Variants in TOPBP1 observed in about 807,000 individuals in gnomAD.
TOPBP1 encodes DNA topoisomerase 2-binding protein 1.
In TOPBP1, 28 loss-of-function variants were observed where a neutral mutation model predicts 167.7. The observed-to-expected ratio is 0.17, with a 90% CI of 0.12 to 0.23. TOPBP1 has a LOEUF of 0.23. Ranked by LOEUF, TOPBP1 falls within the 10% of genes least tolerant of loss-of-function variation. The probability of loss-of-function intolerance (pLI) is 1.00; values close to 1 mark genes in which losing one functional copy is unlikely to be tolerated. For missense variants in TOPBP1, 1,554 were observed against 1,809.6 expected, an observed-to-expected ratio of 0.86 and a Z score of 2.56; for synonymous variants, 598 against 611.4, an observed-to-expected ratio of 0.98 and a Z score of 0.32.
At chr3:133,632,775 T>C (rs974315197) in intron 14 of TOPBP1, among the ~76,000 whole-genome samples, 9 of 152,122 alleles carry the variant, frequency 5.9e-5, no homozygotes, top group South Asian at 4.1e-4. Flanking sequence ...ATATAGTTAT[T>C]TCTTCTTCTT....
At chr3:133,620,055 G>T in intron 20 of TOPBP1, 100 bp downstream of exon 20, 1 of 1,297,002 alleles carries the variant, frequency 7.7e-7, no homozygotes, top group Non-Finnish European at 1.0e-6. Flanking sequence ...AGAAAAAAAA[G>T]CTAAATTAGG....
At chr3:133,608,492 G>C (rs1452143934) in intron 27 of TOPBP1, 43 bp downstream of exon 27, 6 of 1,601,426 alleles carry the variant, frequency 3.7e-6, no homozygotes, top group Non-Finnish European at 2.6e-6. Flanking sequence ...GCACATAAAC[G>C]TATCTCTGGT....
At chr3:133,629,315 G>C (rs1935382506) in intron 14 of TOPBP1, among the ~76,000 whole-genome samples, 1 of 152,180 alleles carries the variant, frequency 6.6e-6, no homozygotes, top group Non-Finnish European at 1.5e-5. Context: ...TATTTAACCT[G>C]TGTACAACTG....
At position 133,652,447 on chromosome 3, in the gene TOPBP1, T is replaced by A. The variant is rs754410840; in HGVS notation, c.1089+16A>T. ...TGTATATCATCTACTGCATGTATTA[T>A]ATAATAAAGACGTACCCGACAACCA... On this transcript the variant is annotated intron_variant, in intron 8 of 27. Coordinates refer to ENST00000260810, the MANE Select transcript of TOPBP1 (RefSeq NM_007027.4). The A allele has an allele frequency of 6.2e-7, 1 of 1,610,622 alleles. No individual in the cohort carries two copies. The highest frequency in any genetic ancestry group is 8.5e-7 in the Non-Finnish European group (1 of 1,179,428).
At chr3:133,651,171 C>CTTTTTTTT (rs1176625452) in intron 8 of TOPBP1, among the ~76,000 whole-genome samples, 2 of 82,090 alleles carry the variant, frequency 2.4e-5, no homozygotes, top group East Asian at 4.2e-4. Flanking sequence ...CCGAATTTCC[C>CTTTTTTTT]TTTTTTTTTT....
intron 2 of TOPBP1, among the ~76,000 whole-genome samples, chr3:133,660,054 T>C (rs994700632): frequency 6.6e-6 from 1 of 152,088 alleles, no homozygotes; most frequent in Admixed American, 6.5e-5. Flanking sequence ...CATCCCTCAC[T>C]CACTACACAA....
At chr3:133,614,545 A>G (rs1934797060) in intron 23 of TOPBP1, among the ~76,000 whole-genome samples, 1 of 152,112 alleles carries the variant, frequency 6.6e-6, no homozygotes. Context: ...TAGAGTTACA[A>G]GACTCTGAAT....
chr3:133,637,379 AAC>A (rs1437910151), intron 14 of TOPBP1, among the ~76,000 whole-genome samples: 1 of 152,172 alleles, frequency 6.6e-6, no homozygotes, highest in Non-Finnish European at 1.5e-5. Flanking sequence ...ATCAAACTAA[AAC>A]ACAGACTTAA....
At chr3:133,620,028 G>T in intron 20 of TOPBP1, 127 bp downstream of exon 20, 1 of 954,814 alleles carries the variant, frequency 1.0e-6, no homozygotes, top group Non-Finnish European at 1.5e-6. Flanking sequence ...AGCTTTTACT[G>T]CATATTGGGG....
Position 133,601,317 on chromosome 3 carries a change from G to A in TOPBP1, c.4502C>T (p.Thr1501Ile), listed in dbSNP as rs759747349. 7 of 1,604,656 alleles carry A rather than the reference G, an allele frequency of 4.4e-6. No individual in the cohort carries two copies. In the South Asian group the frequency reaches 6.7e-5, roughly 15 times the overall value. ...AGCTTTCCTCTTTTGTGATAATCCAGTCCCAAGTTCCTTATTATTCTGAAT... is the reference window on the plus strand; with the variant it reads ...AGCTTTCCTCTTTTGTGATAATCCAATCCCAAGTTCCTTATTATTCTGAAT... ...SFIQNNKELG[T>I]GLSQKRKAPT... is the part of the protein sequence containing the mutation. The change falls in exon 28 of 28, where the codon ACT (threonine) becomes ATT (isoleucine). Residue 1501 changes from threonine (T) to isoleucine (I), a missense_variant. By Grantham distance (89) the Thr-to-Ile change is moderately conservative. Transcript: ENST00000260810.
At chr3:133,650,688 C>T (rs935485285) in intron 8 of TOPBP1, among the ~76,000 whole-genome samples, 44 of 152,134 alleles carry the variant, frequency 2.9e-4, no homozygotes, top group African/African-American at 1.1e-3. Context: ...TGCATTTATA[C>T]CCCAAATTAA....
chr3:133,605,111 A>G (rs1402209357), intron 27 of TOPBP1, among the ~76,000 whole-genome samples: 1 of 151,440 alleles, frequency 6.6e-6, no homozygotes, highest in Non-Finnish European at 1.5e-5. Flanking sequence ...AGGTGGAAGG[A>G]TCATTTGAGC....
intron 23 of TOPBP1, among the ~76,000 whole-genome samples, chr3:133,615,370 G>A (rs1044452081): frequency 5.9e-5 from 9 of 152,136 alleles, no homozygotes; most frequent in African/African-American, 2.2e-4. Context: ...CCAGTTACTT[G>A]GGAAGCTGAG....
At chr3:133,614,976 T>C (rs1934812027) in intron 23 of TOPBP1, among the ~76,000 whole-genome samples, 3 of 149,122 alleles carry the variant, frequency 2.0e-5, no homozygotes, top group Non-Finnish European at 4.4e-5. Flanking sequence ...TAGAGTATAA[T>C]AATAATAATA....
intron 6 of TOPBP1, among the ~76,000 whole-genome samples, chr3:133,654,493 TCA>T (rs1444736350): frequency 1.3e-5 from 2 of 152,170 alleles, no homozygotes; most frequent in Non-Finnish European, 2.9e-5. Flanking sequence ...TCAACTCTAC[TCA>T]CAGTGATCCT....
At chr3:133,650,011 T>C in intron 8 of TOPBP1, 68 bp from the exon 9 acceptor site, 1 of 1,284,354 alleles carries the variant, frequency 7.8e-7, no homozygotes, top group Non-Finnish European at 1.0e-6. Flanking sequence ...TAAAAATATA[T>C]ATCTAAATCC....
At chr3:133,647,575 G>C (rs1936121194) in intron 10 of TOPBP1, among the ~76,000 whole-genome samples, 1 of 152,156 alleles carries the variant, frequency 6.6e-6, no homozygotes, top group Admixed American at 6.5e-5. Flanking sequence ...TGACAGACTT[G>C]GCTGGGTGTG....
intron 14 of TOPBP1, among the ~76,000 whole-genome samples, chr3:133,634,636 C>T (rs1452896790): frequency 6.6e-6 from 1 of 151,768 alleles, no homozygotes; most frequent in Admixed American, 6.6e-5. Context: ...AAAAACAACA[C>T]ATACAAAGCA....
At chr3:133,616,966 AATGAT>A (rs1934913840) in intron 22 of TOPBP1, 41 bp from the exon 23 acceptor site, 1 of 1,346,214 alleles carries the variant, frequency 7.4e-7, no homozygotes, top group African/African-American at 1.5e-5. Flanking sequence ...TAACATTAAA[AATGAT>A]CAGATACACA....
Sources: allele counts gnomAD v4.1 joint callset (sites outside exome capture counted in the v4.1 genomes callset), GRCh38; gene constraint gnomAD v4.1.1; transcripts MANE v1.5; gene names NCBI Gene and HGNC (gene_info 2026-07-23, HGNC 2026-07-21).